FLRT1: variants seen among roughly 807,000 people sequenced by gnomAD.
FLRT1 encodes leucine-rich repeat transmembrane protein FLRT1.
FLRT1 carries 14 observed loss-of-function variants against 30.9 expected under a neutral mutation model. The ratio of observed to expected loss-of-function variants is 0.45; its 90% CI spans 0.30 to 0.71. FLRT1 has a LOEUF of 0.71. Ranked by LOEUF, FLRT1 falls within the 30% of genes least tolerant of loss-of-function variation. FLRT1 has a pLI of 0.08. For synonymous variants in FLRT1, 368 were observed against 430.4 expected (o/e 0.85, Z 1.80); for missense variants, 737 against 949.2 (o/e 0.78, Z 2.94).
intron 1 of FLRT1, among the ~76,000 whole-genome samples, chr11:64,061,067 C>A (rs1464690867): frequency 1.3e-5 from 2 of 152,092 alleles, no homozygotes; most frequent in Admixed American, 1.3e-4. Flanking sequence ...GCTTGGCGTC[C>A]CCCCCACTCC....
chr11:64,096,513 T>C lies in FLRT1; in HGVS notation c.-1037-6681T>C, dbSNP rs1296224044. 6.6e-6 allele frequency among the ~76,000 whole-genome samples: 1 copy of C among 152,102 alleles called. No homozygotes were observed. Among genetic ancestry groups the C allele is most frequent in the Non-Finnish European group, 1.5e-5 (1 of 68,006 alleles). ...TCACTGCAACCTCCGCCTTCCGGGT[T>C]CAAGCAATTCTCTTGCCTCAGCCCA... On this transcript the variant is annotated intron_variant, in intron 1 of 2. Transcript: ENST00000682287. The surrounding 1 kb of genome is among the most constrained non-coding windows in gnomAD (Gnocchi z 4.6).
Position 64,117,486 on chromosome 11 carries a change from G to C in FLRT1, c.1219G>C (p.Gly407Arg). Residue 407 changes from glycine to arginine, a missense_variant, in exon 3 of 3, where the codon GGT becomes CGT. Physicochemically the swap from Gly to Arg is moderately radical, Grantham distance 125. Coordinates refer to ENST00000682287, the MANE Select transcript of FLRT1 (RefSeq NM_013280.5). ...SNHASATTPQ[G>R]SLFTLKAKRP... ...CCACGCCTCTGCCACCACGCCCCAG[G>C]GTTCCCTGTTTACCCTCAAGGCCAA... 3 of 1,612,250 alleles carry C rather than the reference G, an allele frequency of 1.9e-6. No homozygotes were observed. The highest frequency in any genetic ancestry group is 2.5e-6 in the Non-Finnish European group (3 of 1,178,712).
intron 1 of FLRT1, among the ~76,000 whole-genome samples, chr11:64,054,661 GACA>G (rs1194586876): frequency 4.6e-5 from 7 of 152,060 alleles, no homozygotes; most frequent in Non-Finnish European, 8.8e-5. Flanking sequence ...TGAGGAGAGA[GACA>G]ACCTCACCTC....
Position 64,116,415 on chromosome 11 carries a change from G to A in FLRT1, c.148G>A (p.Asp50Asn), listed in dbSNP as rs961710281. 4 of 1,613,778 alleles carry A rather than the reference G, an allele frequency of 2.5e-6. No homozygotes were observed. In the African/African-American group the frequency reaches 4.0e-5, roughly 16 times the overall value. ...GLIAFLTEVI[D>N]STTCPSVCRC... ...CATCGCCTTCCTGACGGAGGTCATC[G>A]ACAGCACCACCTGCCCCTCGGTGTG... Residue 50 changes from aspartate (D) to asparagine (N), a missense_variant, in exon 3 of 3, where the codon GAC becomes AAC. Transcript: ENST00000682287.
At chr11:64,053,911 C>G (rs369601859) in intron 1 of FLRT1, among the ~76,000 whole-genome samples, 6 of 152,128 alleles carry the variant, frequency 3.9e-5, no homozygotes, top group Non-Finnish European at 7.4e-5. Context: ...TCATCCCCCC[C>G]ACCACCTCTG....
intron 1 of FLRT1, among the ~76,000 whole-genome samples, chr11:64,051,462 T>A (rs1943693523): frequency 6.6e-6 from 1 of 151,910 alleles, no homozygotes. Flanking sequence ...ACTGATTGAG[T>A]CTCATTGTTG....
chr11:64,104,616 C>A (rs1236908246), intron 2 of FLRT1, among the ~76,000 whole-genome samples: 1 of 152,040 alleles, frequency 6.6e-6, no homozygotes, highest in African/African-American at 2.4e-5. Flanking sequence ...TGCCCTTGAA[C>A]GAGAGGGAGT....
In FLRT1 at chr11:64,104,086, G is replaced by A. The variant is rs12418035; in HGVS notation, c.-145G>A. 28,721 of 152,258 alleles carry A rather than the reference G, an allele frequency of 0.19. 2,833 individuals are homozygous for A. The highest frequency in any genetic ancestry group is 0.29 in the Admixed American group (4,455 of 15,284). The allele number at this position is 152,258 out of a possible 1,614,324, so 9.4% of individuals were successfully genotyped here. A position where few individuals can be genotyped will look rare whatever the true frequency, so the allele number is the denominator to read the frequency against. The stretch of plus-strand genomic sequence containing the variant: ...GAATGTGAGCGCCATCTGAGCTCAC[G>A]GTGTCCTGAGTCGCGGCTTCGTGAC... On this transcript the variant is annotated 5_prime_UTR_variant, in exon 2 of 3. Coordinates refer to ENST00000682287, the MANE Select transcript of FLRT1 (RefSeq NM_013280.5).
intron 1 of FLRT1, among the ~76,000 whole-genome samples, chr11:64,049,059 C>T (rs1023997880): frequency 1.5e-5 from 2 of 137,364 alleles, no homozygotes; most frequent in African/African-American, 6.0e-5. Flanking sequence ...ACATATTTGT[C>T]CTTCAGGGGG....
In FLRT1 at chr11:64,082,685, C is replaced by T. The variant is rs1039333128; in HGVS notation, c.-1037-20509C>T. ...AGCCCCAGACCCCTGTCCTGCTCCA[C>T]CCTGCAGGCCCCTGGGTCTCACACA... is the stretch of plus-strand genomic sequence containing the variant. On this transcript the variant is annotated intron_variant, in intron 1 of 2. Transcript: ENST00000682287. The surrounding 1 kb of genome is among the most constrained non-coding windows in gnomAD (Gnocchi z 4.5). Among the ~76,000 whole-genome samples the T allele has an allele frequency of 3.9e-5, 6 of 152,134 alleles. No individual in the cohort carries two copies. The highest frequency in any genetic ancestry group is 1.4e-4 in the African/African-American group (6 of 41,420).
chr11:64,088,722 CGT>C (rs1944438589), intron 1 of FLRT1, among the ~76,000 whole-genome samples: 2 of 152,154 alleles, frequency 1.3e-5, no homozygotes, highest in African/African-American at 4.8e-5. Flanking sequence ...TGGGGATAAT[CGT>C]GTGTTTCCCC....
intron 1 of FLRT1, among the ~76,000 whole-genome samples, chr11:64,051,605 C>T (rs559703260): frequency 5.3e-5 from 8 of 152,212 alleles, no homozygotes; most frequent in African/African-American, 7.2e-5. Context: ...GTGCCACCAC[C>T]GCCATTCCTG....
At chr11:64,116,155 G>A (rs2134615447) in intron 2 of FLRT1, 64 bp from the exon 3 acceptor site, 11 of 1,452,186 alleles carry the variant, frequency 7.6e-6, no homozygotes, top group South Asian at 1.4e-5. Flanking sequence ...GGGAATGCAC[G>A]ATTCACTCCT....
intron 1 of FLRT1, among the ~76,000 whole-genome samples, chr11:64,074,214 T>TC (rs1464684583): frequency 6.6e-6 from 1 of 152,190 alleles, no homozygotes; most frequent in African/African-American, 2.4e-5. Context: ...AAGGAGGGCT[T>TC]CCCCCAAGGC....
At chr11:64,085,061 G>A (rs995766588) in intron 1 of FLRT1, among the ~76,000 whole-genome samples, 9 of 152,240 alleles carry the variant, frequency 5.9e-5, no homozygotes, top group African/African-American at 1.9e-4. Flanking sequence ...GCTCAGAGAG[G>A]TTCAGTCATT....
intron 1 of FLRT1, among the ~76,000 whole-genome samples, chr11:64,092,499 C>T (rs1419064753): frequency 6.6e-6 from 1 of 152,346 alleles, no homozygotes; most frequent in Middle Eastern, 3.4e-3. Context: ...GGTCTTGACA[C>T]AGCATCCACG....
intron 1 of FLRT1, among the ~76,000 whole-genome samples, chr11:64,093,214 C>T (rs998311231): frequency 1.3e-5 from 2 of 152,210 alleles, no homozygotes; most frequent in Admixed American, 1.3e-4. Flanking sequence ...CAACACAGGG[C>T]GGCCACTACT....
At chr11:64,072,499 A>G (rs893125840) in intron 1 of FLRT1, among the ~76,000 whole-genome samples, 2 of 152,232 alleles carry the variant, frequency 1.3e-5, no homozygotes, top group Admixed American at 6.5e-5. Context: ...AGTTACGAGC[A>G]TGATGATAAA....
At chr11:64,091,349 G>A (rs532874961) in intron 1 of FLRT1, among the ~76,000 whole-genome samples, 3 of 152,108 alleles carry the variant, frequency 2.0e-5, no homozygotes, top group East Asian at 1.9e-4. Flanking sequence ...GTTTCCTGCC[G>A]TTACAATCTC....
Sources: gnomAD v4.1 joint callset for allele counts (sites outside exome capture counted in the v4.1 genomes callset) on GRCh38, gnomAD v4.1.1 for gene constraint, Gnocchi (gnomAD v3.1) non-coding constraint, MANE v1.5 for transcripts, NCBI Gene and HGNC (gene_info 2026-07-23, HGNC 2026-07-21) for gene names.